The following CLASP1 variants were observed in gnomAD, a reference collection of about 807,000 sequenced individuals.
CLASP1 encodes cytoplasmic linker associated protein 1, also known as CLIP-associating protein 1.
A neutral mutation model predicts 192.3 loss-of-function variants in CLASP1; 38 were observed. The ratio of observed to expected loss-of-function variants is 0.20; its 90% CI spans 0.15 to 0.26. CLASP1 has a LOEUF of 0.26. Ranked by LOEUF, CLASP1 falls within the 10% of genes least tolerant of loss-of-function variation. CLASP1 has a pLI of 1.00. For synonymous variants in CLASP1, 691 were observed against 712.8 expected (o/e 0.97, Z 0.49); for missense variants, 1,433 against 1,932.5 (o/e 0.74, Z 4.85).
intron 8 of CLASP1, among the ~76,000 whole-genome samples, chr2:121,478,630 TACAC>T (rs748910680): frequency 1.5e-4 from 5 of 32,450 alleles, no homozygotes; most frequent in Non-Finnish European, 2.6e-4. Flanking sequence ...CACACACACA[TACAC>T]ACACACACAC....
At chr2:121,630,838 C>T (rs1020142753) in intron 1 of CLASP1, among the ~76,000 whole-genome samples, 3 of 128,334 alleles carry the variant, frequency 2.3e-5, no homozygotes, top group Non-Finnish European at 4.7e-5. Context: ...CCAGCCTGGA[C>T]AACAAGAGCG....
Position 121,605,942 on chromosome 2 carries a change from AT to A in CLASP1, c.-48del. On this transcript the variant is annotated 5_prime_UTR_variant, in exon 2 of 40. The change creates a premature stop within an existing upstream ORF in the 5' untranslated region. Coordinates refer to ENST00000263710, the Ensembl canonical transcript of CLASP1. ...CAGCAAAAGCTAGAGGGCAGTCACG[AT>A]GACTCCCTCCCAGCAGACGTATCTG... The A allele has an allele frequency of 6.4e-7, 1 of 1,555,730 alleles. No homozygotes were observed. Among genetic ancestry groups the A allele is most frequent in the Non-Finnish European group, 8.8e-7 (1 of 1,132,754 alleles).
intron 33 of CLASP1, among the ~76,000 whole-genome samples, chr2:121,379,287 G>T (rs747999215): frequency 6.6e-6 from 1 of 151,232 alleles, no homozygotes; most frequent in Non-Finnish European, 1.5e-5. Flanking sequence ...ACCTTGAACA[G>T]GTTTGCTGTT....
chr2:121,536,781 G>A (rs983043695), intron 2 of CLASP1, among the ~76,000 whole-genome samples: 1 of 152,228 alleles, frequency 6.6e-6, no homozygotes, highest in African/African-American at 2.4e-5. Context: ...GCCAGGGATT[G>A]TGGAAGGGAG....
At chr2:121,591,529 C>A (rs901768523) in intron 2 of CLASP1, among the ~76,000 whole-genome samples, 1 of 152,162 alleles carries the variant, frequency 6.6e-6, no homozygotes, top group African/African-American at 2.4e-5. Flanking sequence ...GATTGCCCTG[C>A]GAATCAGTAC....
intron 39 of CLASP1, among the ~76,000 whole-genome samples, chr2:121,342,259 C>T (rs1381237395): frequency 6.6e-6 from 1 of 151,898 alleles, no homozygotes; most frequent in Admixed American, 6.6e-5. Context: ...CTAGCTGGGA[C>T]CAGAGGTGCA....
At chr2:121,570,940 G>A (rs1576095108) in intron 2 of CLASP1, among the ~76,000 whole-genome samples, 1 of 151,896 alleles carries the variant, frequency 6.6e-6, no homozygotes. Context: ...AGTCACCCAC[G>A]GGATTTGGAT....
chr2:121,531,767 C>A, intron 2 of CLASP1, among the ~76,000 whole-genome samples: 1 of 151,498 alleles, frequency 6.6e-6, no homozygotes, highest in East Asian at 1.9e-4. Flanking sequence ...ACTTGGGAGG[C>A]TGAGGCAGGA....
At chr2:121,640,435 A>T (rs1459937666) in intron 1 of CLASP1, among the ~76,000 whole-genome samples, 1 of 152,244 alleles carries the variant, frequency 6.6e-6, no homozygotes, top group African/African-American at 2.4e-5. Flanking sequence ...AACACTTGAA[A>T]GAAAAAAAAA....
At chr2:121,465,752 G>T (rs1188791981) in intron 9 of CLASP1, among the ~76,000 whole-genome samples, 1 of 152,126 alleles carries the variant, frequency 6.6e-6, no homozygotes, top group African/African-American at 2.4e-5. Flanking sequence ...GAGGCATCAC[G>T]CTACCTGACT....
intron 7 of CLASP1, among the ~76,000 whole-genome samples, chr2:121,506,063 AAAGAGAT>A (rs1381273538): frequency 6.6e-6 from 1 of 152,230 alleles, no homozygotes; most frequent in Non-Finnish European, 1.5e-5. Flanking sequence ...TAGTGCTTCC[AAAGAGAT>A]AAGAGAAAAT....
intron 7 of CLASP1, among the ~76,000 whole-genome samples, chr2:121,507,533 CTTTTTGGG>C (rs1425030936): frequency 6.6e-6 from 1 of 152,160 alleles, no homozygotes; most frequent in Non-Finnish European, 1.5e-5. Flanking sequence ...TTTCAAAGGA[CTTTTTGGG>C]TCAGATACTT....
chr2:121,458,774 C>A, intron 13 of CLASP1, 66 bp downstream of exon 13: 1 of 1,257,716 alleles, frequency 8.0e-7, no homozygotes, highest in Non-Finnish European at 1.1e-6. Context: ...AAAAATGCCT[C>A]TAATATTTAT....
chr2:121,500,022 G>A (rs926971648), intron 8 of CLASP1, among the ~76,000 whole-genome samples: 4 of 152,084 alleles, frequency 2.6e-5, no homozygotes, highest in African/African-American at 7.2e-5. Context: ...AAAAGCATAC[G>A]TATCTGAAAG....
At chr2:121,344,461 A>C (rs2063195205) in intron 39 of CLASP1, among the ~76,000 whole-genome samples, 1 of 151,792 alleles carries the variant, frequency 6.6e-6, no homozygotes, top group Non-Finnish European at 1.5e-5. Context: ...CCTCCTGAGT[A>C]GCTGGGATTA....
chr2:121,490,774 C>T (rs80130233), intron 8 of CLASP1, among the ~76,000 whole-genome samples: 21 of 152,312 alleles, frequency 1.4e-4, no homozygotes, highest in African/African-American at 4.3e-4. Flanking sequence ...AGCCTTGTAA[C>T]AAACACATTA....
In CLASP1 at chr2:121,558,229, T is replaced by C. The variant is rs150010070; in HGVS notation, c.196-27904A>G. 2.3e-3 allele frequency among the ~76,000 whole-genome samples: 356 copies of C among 152,276 alleles called. 2 individuals are homozygous for C. The highest frequency in any genetic ancestry group is 8.3e-3 in the African/African-American group (345 of 41,564). ...AAAAATAAATATTAACAAGGAGCTA[T>C]AATGTTCTTCCCGTAGCCCAATGGA... On this transcript the variant is annotated intron_variant, in intron 2 of 39. Transcript: ENST00000263710.
At chr2:121,500,376 G>GAAAGAAAGAAAGAAAGA (rs2093702261) in intron 8 of CLASP1, among the ~76,000 whole-genome samples, 2 of 94,672 alleles carry the variant, frequency 2.1e-5, no homozygotes, top group Non-Finnish European at 4.1e-5. Flanking sequence ...AAGAAAGAAA[G>GAAAGAAAGAAAGAAAGA]AAAGAAAGAA....
rs538861502 is a variant in CLASP1, at chr2:121,578,168, C to T, written c.195+27533G>A. On this transcript the variant is annotated intron_variant, in intron 2 of 39. Coordinates refer to ENST00000263710, the Ensembl canonical transcript of CLASP1. The stretch of plus-strand genomic sequence containing the variant: ...GGCTGGTCTCGAACTCATTAGCTCA[C>T]GCAATCCGCCCACCTCGGCATCCCA... Among the ~76,000 whole-genome samples, 8 of 151,988 alleles carry T rather than the reference C, an allele frequency of 5.3e-5. No individual in the cohort carries two copies. The East Asian group carries it at 7.8e-4, about 15-fold the overall frequency.
Sources: allele counts gnomAD v4.1 joint callset (sites outside exome capture counted in the v4.1 genomes callset), GRCh38; gene constraint gnomAD v4.1.1; transcripts MANE v1.5; gene names NCBI Gene and HGNC (gene_info 2026-07-23, HGNC 2026-07-21).